Variants in PPP1R42 observed in about 807,000 individuals in gnomAD.
PPP1R42 encodes the protein protein phosphatase 1 regulatory subunit 42.
PPP1R42 carries 34 observed loss-of-function variants against 31.0 expected under a neutral mutation model. The observed-to-expected ratio is 1.10, with a 90% confidence interval of 0.83 to 1.46. The LOEUF (loss-of-function observed/expected upper bound fraction) is 1.46. PPP1R42 is among the 40% of genes most tolerant of loss of function. PPP1R42 has a pLI of 0.00. For synonymous variants in PPP1R42, 103 were observed against 109.8 expected (o/e 0.94, Z 0.39); for missense variants, 268 against 303.0 (o/e 0.88, Z 0.86).
At chr8:67,024,040 G>A (rs1274769960) in intron 1 of PPP1R42, among the ~76,000 whole-genome samples, 2 of 151,940 alleles carry the variant, frequency 1.3e-5, no homozygotes, top group Non-Finnish European at 2.9e-5. Flanking sequence ...CAGCTACTCA[G>A]GAGGCTGAGG....
chr8:66,984,551 A>G, intron 6 of PPP1R42: 1 of 1,233,550 alleles, frequency 8.1e-7, no homozygotes, highest in Non-Finnish European at 1.2e-6. Context: ...CTCCATCTCA[A>G]TCTTGAACTT....
chr8:66,985,427 T>C, intron 6 of PPP1R42: 1 of 776,716 alleles, frequency 1.3e-6, no homozygotes, highest in Non-Finnish European at 2.3e-6. Flanking sequence ...TCCTTGCCTG[T>C]TGCATCTACA....
intron 2 of PPP1R42, among the ~76,000 whole-genome samples, chr8:67,015,905 A>T (rs1290842193): frequency 6.6e-6 from 1 of 152,246 alleles, no homozygotes; most frequent in Admixed American, 6.5e-5. Flanking sequence ...CTGTAAGTTT[A>T]GAAGTTATTC....
intron 1 of PPP1R42, among the ~76,000 whole-genome samples, chr8:67,020,029 T>G (rs1044073239): frequency 1.2e-4 from 18 of 152,118 alleles, no homozygotes; most frequent in African/African-American, 4.3e-4. Flanking sequence ...AGACCATATG[T>G]CTGAAATCCC....
chr8:66,985,817 T>G, intron 6 of PPP1R42: 1 of 1,243,050 alleles, frequency 8.0e-7, no homozygotes, highest in Non-Finnish European at 1.2e-6. Context: ...TGGAGCTTAG[T>G]CAGCATGCCA....
chr8:66,970,769 T>G (rs927795365), intron 7 of PPP1R42: 13 of 552,138 alleles, frequency 2.4e-5, no homozygotes, highest in Admixed American at 6.6e-5. Flanking sequence ...GCCGAAGTCT[T>G]CTGGAAACAC....
chr8:67,017,455 C>CT (rs1319810488), intron 2 of PPP1R42, among the ~76,000 whole-genome samples, 164 bp downstream of exon 2: 1 of 151,924 alleles, frequency 6.6e-6, no homozygotes, highest in Non-Finnish European at 1.5e-5. Context: ...GATCATGTCA[C>CT]TATACTCCAG....
At chr8:66,987,036 C>G (rs1271691704) in intron 6 of PPP1R42, among the ~76,000 whole-genome samples, 1 of 152,010 alleles carries the variant, frequency 6.6e-6, no homozygotes, top group Non-Finnish European at 1.5e-5. Context: ...GTTTTTCCAG[C>G]TACTTATATT....
In PPP1R42 at chr8:66,967,359, C is replaced by T. The variant is rs141838511; in HGVS notation, c.803-3025G>A. 4.8e-3 allele frequency among the ~76,000 whole-genome samples: 734 copies of T among 152,294 alleles called. 6 individuals are homozygous for T. The highest frequency in any genetic ancestry group is 8.7e-3 in the Non-Finnish European group (591 of 68,032). On this transcript the variant is annotated intron_variant, in intron 7 of 7. Coordinates refer to ENST00000685739, the MANE Select transcript of PPP1R42 (RefSeq NM_001364910.1). ...TAATTTCAAAATGGTTCTTTGAGAACTGCAAATCCAAATATTAGCATTATA... is the reference window on the plus strand; with the variant it reads ...TAATTTCAAAATGGTTCTTTGAGAATTGCAAATCCAAATATTAGCATTATA...
chr8:66,981,933 AAAC>A (rs1459225255), intron 7 of PPP1R42, 113 bp downstream of exon 7: 55 of 1,126,726 alleles, frequency 4.9e-5, no homozygotes, highest in East Asian at 1.9e-4. Flanking sequence ...AAACCCCATA[AAAC>A]AACAACAACA....
At position 67,014,424 on chromosome 8, in the gene PPP1R42, A is replaced by T; in HGVS notation, c.296+2T>A. 2.0e-6 allele frequency: 3 copies of T among 1,474,206 alleles called. No individual in the cohort carries two copies. Among genetic ancestry groups the T allele is most frequent in the Non-Finnish European group, 1.8e-6 (2 of 1,103,808 alleles). The allele number at this position is 1,474,206 out of a possible 1,614,324, so 91.3% of individuals were successfully genotyped here. On this transcript the variant is annotated splice_donor_variant, in intron 3 of 7. Coordinates refer to ENST00000685739, the MANE Select transcript of PPP1R42 (RefSeq NM_001364910.1). LOFTEE classifies it high-confidence loss of function. ...ACATTATTAAAAAATAAAAGCACTT[A>T]CAGTTTTTCCAGTTTCTTTAATGAC...
rs1563411853 is a variant in PPP1R42 at position 66,969,684 on chromosome 8, C to A, written c.803-5350G>T. Among the ~76,000 whole-genome samples the A allele has an allele frequency of 2.6e-5, 4 of 152,296 alleles. No individual in the cohort carries two copies. The South Asian group carries it at 6.2e-4, about 24-fold the overall frequency. On this transcript the variant is annotated intron_variant, in intron 7 of 7. Coordinates refer to ENST00000685739, the MANE Select transcript of PPP1R42 (RefSeq NM_001364910.1). ...GTACTAGGCAATTCTAAATCATCAT[C>A]CCTCGATGGGACCCTTCGAAGAGGG...
chr8:66,968,264 A>G (rs1585955644), intron 7 of PPP1R42, among the ~76,000 whole-genome samples: 1 of 152,340 alleles, frequency 6.6e-6, no homozygotes, highest in African/African-American at 2.4e-5. Flanking sequence ...ATAAACATAC[A>G]TGAGCACAGA....
chr8:66,968,165 A>G (rs1183949876), intron 7 of PPP1R42, among the ~76,000 whole-genome samples: 1 of 152,240 alleles, frequency 6.6e-6, no homozygotes, highest in African/African-American at 2.4e-5. Flanking sequence ...TAATTAAAGT[A>G]TACATTGATA....
rs116378103 is a variant in PPP1R42 at position 66,994,834 on chromosome 8, C to T, written c.553-6317G>A. 3.9e-3 allele frequency among the ~76,000 whole-genome samples: 599 copies of T among 152,184 alleles called. 5 individuals carry two copies. Among genetic ancestry groups the T allele is most frequent in the African/African-American group, 0.014 (571 of 41,506 alleles). On this transcript the variant is annotated intron_variant, in intron 5 of 7. Coordinates refer to ENST00000685739, the MANE Select transcript of PPP1R42 (RefSeq NM_001364910.1). ...ACTTTTAGAGATAATAGTAAATTAT[C>T]AGCAAAAGTAATAACTTTAAAATGA...
intron 7 of PPP1R42, chr8:66,968,322 C>T (rs1470491456): frequency 5.2e-6 from 1 of 193,734 alleles, no homozygotes; most frequent in African/African-American, 2.4e-5. Flanking sequence ...TGTCTTTGGA[C>T]AGATGTTGCT....
At chr8:67,013,526 C>CTAAATAAATAAA (rs57947189) in intron 3 of PPP1R42, among the ~76,000 whole-genome samples, 1,803 of 146,204 alleles carry the variant, frequency 0.012, 50 homozygotes, top group African/African-American at 0.044. Flanking sequence ...GATCCCATCT[C>CTAAATAAATAAA]TAAATAAATA....
intron 1 of PPP1R42, among the ~76,000 whole-genome samples, chr8:67,019,930 G>A (rs1388049441): frequency 1.3e-5 from 2 of 151,552 alleles, no homozygotes; most frequent in African/African-American, 4.8e-5. Context: ...AAAAAACTAA[G>A]CCCCAGAGAT....
At chr8:67,013,589 G>A (rs1815910589) in intron 3 of PPP1R42, among the ~76,000 whole-genome samples, 1 of 151,640 alleles carries the variant, frequency 6.6e-6, no homozygotes, top group African/African-American at 2.4e-5. Flanking sequence ...TTATTGTGGT[G>A]CATACTTGTG....
Sources: allele counts gnomAD v4.1 joint callset (sites outside exome capture counted in the v4.1 genomes callset), GRCh38; gene constraint gnomAD v4.1.1; transcripts MANE v1.5; gene names NCBI Gene and HGNC (gene_info 2026-07-23, HGNC 2026-07-21).